The following PXDC1 variants were observed in gnomAD, a reference collection of about 807,000 sequenced individuals.
PXDC1 encodes PX domain containing 1.
Under a neutral mutation model 24.4 loss-of-function variants are expected in PXDC1, and 13 were observed. The observed-to-expected ratio is 0.53, with a 90% CI of 0.35 to 0.85. The LOEUF is 0.85. PXDC1 is among the 40% of genes least tolerant of loss of function. The probability of loss-of-function intolerance (pLI) is 0.01; values close to 1 mark genes in which losing one functional copy is unlikely to be tolerated. For synonymous variants in PXDC1, 162 were observed against 124.9 expected (o/e 1.30, Z -1.98); for missense variants, 344 against 309.3 (o/e 1.11, Z -0.84).
At chr6:3,738,676 G>T in intron 1 of PXDC1, 1 of 823,238 alleles carries the variant, frequency 1.2e-6, no homozygotes, top group Non-Finnish European at 1.7e-6. Context: ...TCTCTGCCTG[G>T]ACAAAACCAA....
rs1366212253 is a variant in PXDC1 at position 3,725,989 on chromosome 6, C to T, written c.578+1562G>A. 1.3e-5 allele frequency among the ~76,000 whole-genome samples: 2 copies of T among 152,154 alleles called. No homozygotes were observed. Among genetic ancestry groups the T allele is most frequent in the Admixed American group, 1.3e-4 (2 of 15,284 alleles). On this transcript the variant is annotated intron_variant, in intron 4 of 4. Transcript: ENST00000380283. This position sits in a 1 kb window ranked among gnomAD's most constrained non-coding sequence, Gnocchi z 4.8. ...ACTCCTGTGCACATGCAGTCAGTCC[C>T]GGGCAGCTGCAAGAGCCACACCTCT...
intron 3 of PXDC1, among the ~76,000 whole-genome samples, chr6:3,733,225 G>A (rs1760241065): frequency 6.6e-6 from 1 of 152,170 alleles, no homozygotes; most frequent in Admixed American, 6.5e-5. Context: ...AGAAAGCCGT[G>A]TGGACAGTCT....
chr6:3,747,501 G>A lies in PXDC1; in HGVS notation c.256+3775C>T, dbSNP rs117360993. On this transcript the variant is annotated intron_variant, in intron 1 of 4. Coordinates refer to ENST00000380283, the MANE Select transcript of PXDC1 (RefSeq NM_183373.4). Reference sequence around the variant, plus strand: ...ACCAACAGTCTCCACACCAGCCACCGTACCTCCTCACTCCCCAAACCCACC... The same window carrying A: ...ACCAACAGTCTCCACACCAGCCACCATACCTCCTCACTCCCCAAACCCACC... 1.4e-3 allele frequency among the ~76,000 whole-genome samples: 217 copies of A among 152,126 alleles called. 1 individual carries two copies. The East Asian group carries it at 0.025, about 17-fold the overall frequency.
At chr6:3,723,788 C>T (rs1226362138) in intron 4 of PXDC1, 52 bp from the exon 5 acceptor site, 2 of 1,408,918 alleles carry the variant, frequency 1.4e-6, no homozygotes, top group Admixed American at 3.4e-5. Flanking sequence ...GGGATCAACA[C>T]CAAACACCCG....
intron 3 of PXDC1, among the ~76,000 whole-genome samples, chr6:3,733,705 G>T (rs1760254213): frequency 6.6e-6 from 1 of 152,298 alleles, no homozygotes; most frequent in East Asian, 1.9e-4. Flanking sequence ...ACTTTGCACT[G>T]AGACTGTTAG....
In PXDC1 at chr6:3,738,136, A is replaced by C; in HGVS notation, c.269T>G (p.Ile90Arg). ...QGPLRQGLVAIKEAHDIETRL... is the reference protein window; with the variant it reads ...QGPLRQGLVARKEAHDIETRL... ...GGTCTCTATGTCGTGGGCTTCCTTT[A>C]TGGCAACCAGTCCTAGAATTGAGAC... Residue 90 changes from isoleucine (I) to arginine (R), a missense_variant, in exon 2 of 5, where the codon ATA becomes AGA. Ile to Arg is a moderately conservative substitution (Grantham distance 97). Coordinates refer to ENST00000380283, the MANE Select transcript of PXDC1 (RefSeq NM_183373.4). 2 of 1,613,682 alleles carry C rather than the reference A, an allele frequency of 1.2e-6. No homozygotes were observed. Among genetic ancestry groups the C allele is most frequent in the Non-Finnish European group, 1.7e-6 (2 of 1,179,660 alleles).
In PXDC1 at chr6:3,738,930, C is replaced by T. The variant is rs75816876; in HGVS notation, c.257-782G>A. 4.4e-3 allele frequency: 5,732 copies of T among 1,301,876 alleles called. 219 individuals carry two copies. In the African/African-American group the frequency reaches 0.079, roughly 18 times the overall value. 80.6% of individuals were successfully genotyped at this position (1,301,876 alleles called of 1,614,324 possible). ...AGTAGGTGCCCAAGGACACTGGCGT[C>T]TCCCCCACACTTGTGTGACCGAGGC... is the stretch of plus-strand genomic sequence containing the variant. On this transcript the variant is annotated intron_variant, in intron 1 of 4. Coordinates refer to ENST00000380283, the MANE Select transcript of PXDC1 (RefSeq NM_183373.4).
intron 1 of PXDC1, among the ~76,000 whole-genome samples, chr6:3,746,782 A>C (rs1245464430): frequency 6.6e-6 from 1 of 152,104 alleles, no homozygotes; most frequent in Non-Finnish European, 1.5e-5. Flanking sequence ...CTTATGTTTC[A>C]GGGTAACACA....
intron 3 of PXDC1, among the ~76,000 whole-genome samples, chr6:3,736,097 A>C (rs1185405994): frequency 6.6e-6 from 1 of 152,116 alleles, no homozygotes; most frequent in Non-Finnish European, 1.5e-5. Flanking sequence ...ATAATCAGCA[A>C]GGCCACGTTC....
Position 3,751,297 on chromosome 6 carries a change from C to A in PXDC1, c.235G>T (p.Ala79Ser). Reference protein sequence around the residue: ...DAFPEDRSELAQGPLRQGLVA... With the variant: ...DAFPEDRSELSQGPLRQGLVA... ...GCACCTTGCCGCAGCGGCCCCTGCG[C>A]CAGTTCGGACCGGTCCTCGGGAAAG... The change falls in exon 1 of 5, where the codon GCG becomes TCG. Residue 79 changes from alanine (A) to serine (S), a missense_variant. Coordinates refer to ENST00000380283, the MANE Select transcript of PXDC1 (RefSeq NM_183373.4). 6.5e-7 allele frequency: 1 copy of A among 1,532,120 alleles called. No homozygotes were observed. Among genetic ancestry groups the A allele is most frequent in the Non-Finnish European group, 8.7e-7 (1 of 1,143,918 alleles). The allele number at this position is 1,532,120 out of a possible 1,614,324, so 94.9% of individuals were successfully genotyped here.
intron 1 of PXDC1, chr6:3,738,863 TC>T: frequency 2.3e-6 from 3 of 1,303,228 alleles, no homozygotes; most frequent in Non-Finnish European, 3.0e-6. Flanking sequence ...GCAGAAGTCT[TC>T]CCATCACAGG....
At chr6:3,749,482 G>A (rs1358714728) in intron 1 of PXDC1, among the ~76,000 whole-genome samples, 4 of 146,618 alleles carry the variant, frequency 2.7e-5, no homozygotes, top group Non-Finnish European at 3.0e-5. Context: ...GCTTGTGACC[G>A]CGTAACAGAC....
intron 4 of PXDC1, 54 bp from the exon 5 acceptor site, chr6:3,723,790 A>T: frequency 7.2e-7 from 1 of 1,389,530 alleles, no homozygotes; most frequent in South Asian, 1.2e-5. Flanking sequence ...GATCAACACC[A>T]AACACCCGCC....
chr6:3,750,847 C>G (rs1299354707), intron 1 of PXDC1, among the ~76,000 whole-genome samples: 2 of 152,142 alleles, frequency 1.3e-5, no homozygotes, highest in Admixed American at 6.5e-5. Context: ...ACCCCCGGCT[C>G]GGACCCTGCA....
intron 3 of PXDC1, among the ~76,000 whole-genome samples, chr6:3,736,389 G>A (rs1488663843): frequency 6.6e-6 from 1 of 152,092 alleles, no homozygotes; most frequent in African/African-American, 2.4e-5. Context: ...CTGTCCACCA[G>A]GCAAGATCGC....
chr6:3,728,550 C>T lies in PXDC1; in HGVS notation c.467-888G>A, dbSNP rs558698846. 6.6e-6 allele frequency among the ~76,000 whole-genome samples: 1 copy of T among 152,266 alleles called. No homozygotes were observed. The highest frequency in any genetic ancestry group is 1.9e-4 in the East Asian group (1 of 5,180). On this transcript the variant is annotated intron_variant, in intron 3 of 4. Coordinates refer to ENST00000380283, the MANE Select transcript of PXDC1 (RefSeq NM_183373.4). This position sits in a 1 kb window ranked among gnomAD's most constrained non-coding sequence, Gnocchi z 4.0. ...TCCTACGTCCATACTGGCTGCATGG[C>T]ATGAGCTAGAGGGTGGAAGTCTGCG...
At chr6:3,744,476 C>T (rs981572605) in intron 1 of PXDC1, among the ~76,000 whole-genome samples, 1 of 152,058 alleles carries the variant, frequency 6.6e-6, no homozygotes, top group Non-Finnish European at 1.5e-5. Flanking sequence ...GGGCAGGAGG[C>T]GGCCTGAAGG....
intron 4 of PXDC1, among the ~76,000 whole-genome samples, 161 bp from the exon 5 acceptor site, chr6:3,723,897 CAG>C (rs770617301): frequency 5.9e-5 from 9 of 152,238 alleles, no homozygotes; most frequent in Non-Finnish European, 1.2e-4. Context: ...CTGAGACTGC[CAG>C]AGCTTCTGGT....
rs199835734 is a variant in PXDC1, at chr6:3,723,576, C to G, written c.*43G>C. 7.0e-7 allele frequency: 1 copy of G among 1,423,380 alleles called. No homozygotes were observed. Among genetic ancestry groups the G allele is most frequent in the East Asian group, 2.3e-5 (1 of 44,066 alleles). 88.2% of individuals were successfully genotyped at this position (1,423,380 alleles called of 1,614,324 possible). A position where few individuals can be genotyped will look rare whatever the true frequency, so the allele number is the denominator to read the frequency against. ...GCCAGCACAGTGGACAGCATCAGAG[C>G]TGGCAGTGAACAGCTGAGGCGGGGG... On this transcript the variant is annotated 3_prime_UTR_variant, in exon 5 of 5. Transcript: ENST00000380283.
Sources: gnomAD v4.1 joint callset for allele counts (sites outside exome capture counted in the v4.1 genomes callset) on GRCh38, gnomAD v4.1.1 for gene constraint, Gnocchi (gnomAD v3.1) non-coding constraint, MANE v1.5 for transcripts, NCBI Gene and HGNC (gene_info 2026-07-23, HGNC 2026-07-21) for gene names.